RAB10: variants seen among roughly 807,000 people sequenced by gnomAD.
RAB10 encodes the protein RAB10, member RAS oncogene family.
RAB10 carries 5 observed loss-of-function variants against 25.7 expected under a neutral mutation model. That is an observed-to-expected ratio of 0.19 (90% confidence interval 0.10 to 0.41). The LOEUF is 0.41. Among genes scored for constraint, RAB10 ranks in the 10% least tolerant of loss-of-function variants. The pLI is 1.00. For synonymous variants in RAB10, 89 were observed against 86.4 expected, an observed-to-expected ratio of 1.03 and a Z score of -0.16; for missense variants, 103 against 245.8, an observed-to-expected ratio of 0.42 and a Z score of 3.89.
At chr2:26,111,773 C>G (rs1667577557) in intron 3 of RAB10, among the ~76,000 whole-genome samples, 1 of 152,130 alleles carries the variant, frequency 6.6e-6, no homozygotes, top group African/African-American at 2.4e-5. Flanking sequence ...GAACTGGTGT[C>G]CTGCTATTCA....
At chr2:26,037,368 G>A (rs1358577503) in intron 1 of RAB10, among the ~76,000 whole-genome samples, 1 of 152,110 alleles carries the variant, frequency 6.6e-6, no homozygotes, top group Non-Finnish European at 1.5e-5. Flanking sequence ...GCTGGGCACG[G>A]TGGCTCACTC....
chr2:26,110,185 A>C (rs1325621672), intron 3 of RAB10, among the ~76,000 whole-genome samples: 1 of 151,980 alleles, frequency 6.6e-6, no homozygotes, highest in East Asian at 1.9e-4. Flanking sequence ...AAAAATTATA[A>C]AAATCAGCTG....
At chr2:26,098,094 T>G (rs1016663403) in intron 1 of RAB10, among the ~76,000 whole-genome samples, 2 of 136,654 alleles carry the variant, frequency 1.5e-5, no homozygotes, top group African/African-American at 5.4e-5. Flanking sequence ...CTTCTTTTTC[T>G]TTCTTTCTTT....
chr2:26,042,509 G>A (rs139895133), intron 1 of RAB10, among the ~76,000 whole-genome samples: 542 of 151,990 alleles, frequency 3.6e-3, no homozygotes, highest in African/African-American at 0.013. Context: ...AGCTGGGTGC[G>A]GTGGTGTACA....
intron 1 of RAB10, among the ~76,000 whole-genome samples, chr2:26,036,389 G>T (rs935610838): frequency 3.3e-5 from 5 of 152,168 alleles, no homozygotes; most frequent in Non-Finnish European, 5.9e-5. Flanking sequence ...GGCCGGGCGC[G>T]GTGGCTCATG....
intron 2 of RAB10, among the ~76,000 whole-genome samples, chr2:26,100,465 C>G (rs1032453651): frequency 6.6e-6 from 1 of 152,146 alleles, no homozygotes; most frequent in African/African-American, 2.4e-5. Flanking sequence ...TCCTACTTTT[C>G]CCACTGACAT....
intron 3 of RAB10, among the ~76,000 whole-genome samples, chr2:26,126,192 CTCTAT>C (rs1667900037): frequency 6.6e-6 from 1 of 152,172 alleles, no homozygotes; most frequent in African/African-American, 2.4e-5. Context: ...TTTCTGGGCT[CTCTAT>C]TCCATTCCAT....
chr2:26,083,744 C>T (rs115784639), intron 1 of RAB10, among the ~76,000 whole-genome samples: 3,702 of 152,168 alleles, frequency 0.024, 151 homozygotes, highest in African/African-American at 0.085. Context: ...GTCTCGAACT[C>T]CTGGCCTCAA....
chr2:26,055,320 CT>C (rs1454079080), intron 1 of RAB10, among the ~76,000 whole-genome samples: 1 of 151,438 alleles, frequency 6.6e-6, no homozygotes, highest in East Asian at 1.9e-4. Flanking sequence ...GGCTTTATGC[CT>C]TTTAAGTCAC....
intron 2 of RAB10, among the ~76,000 whole-genome samples, chr2:26,108,331 G>A (rs1667506699): frequency 6.6e-6 from 1 of 152,154 alleles, no homozygotes; most frequent in Non-Finnish European, 1.5e-5. Flanking sequence ...AAATGGGACA[G>A]ACCAGGATTA....
chr2:26,058,267 A>G (rs1666310870), intron 1 of RAB10, among the ~76,000 whole-genome samples: 1 of 152,106 alleles, frequency 6.6e-6, no homozygotes, highest in Admixed American at 6.5e-5. Flanking sequence ...CTTGTCCTCT[A>G]CAACCCCTTC....
At chr2:26,071,137 CATAT>C in intron 1 of RAB10, among the ~76,000 whole-genome samples, 1 of 152,136 alleles carries the variant, frequency 6.6e-6, no homozygotes, top group East Asian at 1.9e-4. Flanking sequence ...GACCTTTGAG[CATAT>C]ATCTTTTTGG....
At chr2:26,100,894 G>C (rs1667326322) in intron 2 of RAB10, among the ~76,000 whole-genome samples, 1 of 151,260 alleles carries the variant, frequency 6.6e-6, no homozygotes, top group African/African-American at 2.4e-5. Context: ...CCCTGTCAGA[G>C]CTCACACCCA....
chr2:26,125,255 G>A (rs1335343765), intron 3 of RAB10, among the ~76,000 whole-genome samples: 4 of 151,826 alleles, frequency 2.6e-5, no homozygotes, highest in African/African-American at 9.7e-5. Context: ...CCACATCCTC[G>A]CCAATATGTG....
intron 1 of RAB10, among the ~76,000 whole-genome samples, chr2:26,090,932 T>TC (rs1217720034): frequency 1.8e-4 from 12 of 67,326 alleles, no homozygotes; most frequent in Admixed American, 6.8e-4. Context: ...AGACCCTGTC[T>TC]CCCCCCCCAA....
chr2:26,059,737 G>A (rs536972939), intron 1 of RAB10, among the ~76,000 whole-genome samples: 1 of 152,276 alleles, frequency 6.6e-6, no homozygotes, highest in East Asian at 1.9e-4. Context: ...CTGTCCATCG[G>A]TGGTTATCAG....
intron 1 of RAB10, among the ~76,000 whole-genome samples, chr2:26,076,579 A>G (rs1559585993): frequency 6.6e-6 from 1 of 152,180 alleles, no homozygotes; most frequent in Non-Finnish European, 1.5e-5. Flanking sequence ...AAAAGCGGCA[A>G]AATGGGGTTT....
intron 1 of RAB10, among the ~76,000 whole-genome samples, chr2:26,038,170 G>A (rs1177778236): frequency 8.6e-5 from 13 of 151,244 alleles, no homozygotes; most frequent in Admixed American, 8.6e-4. Context: ...ACAGGCGGAA[G>A]CCACCACACT....
intron 2 of RAB10, among the ~76,000 whole-genome samples, chr2:26,103,377 C>A (rs909311894): frequency 6.6e-6 from 1 of 152,062 alleles, no homozygotes. Flanking sequence ...AACAAACTTA[C>A]GAATTTAAAA....
Sources: allele counts gnomAD v4.1 joint callset (sites outside exome capture counted in the v4.1 genomes callset), GRCh38; gene constraint gnomAD v4.1.1; transcripts MANE v1.5; gene names NCBI Gene and HGNC (gene_info 2026-07-23, HGNC 2026-07-21).